The following ZMAT4 variants were observed in gnomAD, a reference collection of about 807,000 sequenced individuals.
ZMAT4 encodes the protein zinc finger matrin-type 4.
A neutral mutation model predicts 28.7 loss-of-function variants in ZMAT4; 17 were observed. That is an observed-to-expected ratio of 0.59 (90% CI 0.41 to 0.89). ZMAT4 has a LOEUF of 0.89. Ranked by LOEUF, ZMAT4 falls within the 40% of genes least tolerant of loss-of-function variation. The pLI is 0.00. For missense variants in ZMAT4, 240 were observed against 283.8 expected, an observed-to-expected ratio of 0.85 and a Z score of 1.11; for synonymous variants, 117 against 109.2, an observed-to-expected ratio of 1.07 and a Z score of -0.44.
chr8:40,792,287 G>T (rs886075533), intron 2 of ZMAT4, among the ~76,000 whole-genome samples: 4 of 151,382 alleles, frequency 2.6e-5, no homozygotes, highest in African/African-American at 9.7e-5. Flanking sequence ...ACTGACAAAA[G>T]TCTTGTTTTA....
intron 1 of ZMAT4, among the ~76,000 whole-genome samples, chr8:40,838,917 C>T (rs544568516): frequency 2.0e-5 from 3 of 152,288 alleles, no homozygotes; most frequent in South Asian, 2.1e-4. Flanking sequence ...GAAAACATCA[C>T]AGCACCAGAA....
intron 2 of ZMAT4, among the ~76,000 whole-genome samples, chr8:40,822,862 A>G (rs952498843): frequency 6.6e-6 from 1 of 152,196 alleles, no homozygotes; most frequent in Non-Finnish European, 1.5e-5. Flanking sequence ...TTAATTGCAG[A>G]TCTGTTGTAA....
chr8:40,746,141 C>A (rs1048505935), intron 3 of ZMAT4, among the ~76,000 whole-genome samples: 6 of 152,120 alleles, frequency 3.9e-5, no homozygotes, highest in African/African-American at 7.2e-5. Context: ...CCAAATCTCT[C>A]CTCTGAGCTC....
chr8:40,846,615 C>T (rs932064480), intron 1 of ZMAT4, among the ~76,000 whole-genome samples: 2 of 152,220 alleles, frequency 1.3e-5, no homozygotes, highest in Non-Finnish European at 1.5e-5. Flanking sequence ...CTCACTCCCC[C>T]TTGGCGTCCC....
chr8:40,588,913 G>C (rs574678557), intron 5 of ZMAT4, among the ~76,000 whole-genome samples: 2 of 152,102 alleles, frequency 1.3e-5, no homozygotes, highest in Non-Finnish European at 2.9e-5. Context: ...AGAATTGATC[G>C]TAACACTCAA....
At chr8:40,741,891 A>G (rs757760389) in intron 3 of ZMAT4, among the ~76,000 whole-genome samples, 1 of 152,232 alleles carries the variant, frequency 6.6e-6, no homozygotes, top group Non-Finnish European at 1.5e-5. Context: ...AGAAAGCATT[A>G]AAAATAAAAC....
rs1491257030 is a variant in ZMAT4, at chr8:40,612,805, G to GTT, written c.578-31546_578-31545dup. On this transcript the variant is annotated intron_variant, in intron 5 of 6. Coordinates refer to ENST00000297737, the MANE Select transcript of ZMAT4 (RefSeq NM_024645.3). ...CTACCCAGTCATTCTCTGTATTTTG[G>GTT]TTTTTGTTTTTTTTTTTTTTTTTTG... Among the ~76,000 whole-genome samples the GTT allele has an allele frequency of 2.0e-3, 190 of 93,580 alleles. 8 individuals carry two copies. Among genetic ancestry groups the GTT allele is most frequent in the Non-Finnish European group, 4.0e-3 (147 of 36,522 alleles). 61.4% of individuals were successfully genotyped at this position (93,580 alleles called of 152,430 possible). A position where few individuals can be genotyped will look rare whatever the true frequency, so the allele number is the denominator to read the frequency against.
intron 1 of ZMAT4, among the ~76,000 whole-genome samples, chr8:40,850,715 G>A (rs1349973203): frequency 3.3e-5 from 5 of 152,134 alleles, no homozygotes; most frequent in South Asian, 4.2e-4. Context: ...ATCACGTGGG[G>A]TGGGATTAAA....
intron 5 of ZMAT4, among the ~76,000 whole-genome samples, chr8:40,633,979 A>T (rs886107065): frequency 2.6e-5 from 4 of 152,198 alleles, no homozygotes; most frequent in African/African-American, 9.6e-5. Flanking sequence ...TCTCCTGGGA[A>T]GTCAGCAGTG....
chr8:40,682,096 A>C (rs1489933847), intron 4 of ZMAT4, among the ~76,000 whole-genome samples: 1 of 152,206 alleles, frequency 6.6e-6, no homozygotes, highest in African/African-American at 2.4e-5. Flanking sequence ...TCTTAGTAAT[A>C]GGTGTTTCTG....
At chr8:40,856,760 A>G (rs1261754030) in intron 1 of ZMAT4, among the ~76,000 whole-genome samples, 1 of 152,144 alleles carries the variant, frequency 6.6e-6, no homozygotes, top group African/African-American at 2.4e-5. Flanking sequence ...CTGGAAGGGA[A>G]GGTGAAGGAG....
At chr8:40,776,385 G>T (rs1226934948) in intron 2 of ZMAT4, among the ~76,000 whole-genome samples, 1 of 152,178 alleles carries the variant, frequency 6.6e-6, no homozygotes, top group Admixed American at 6.5e-5. Flanking sequence ...AATCATGTTT[G>T]TAATTATCTA....
chr8:40,801,522 T>A (rs938183920), intron 2 of ZMAT4, among the ~76,000 whole-genome samples: 1 of 151,152 alleles, frequency 6.6e-6, no homozygotes, highest in Non-Finnish European at 1.5e-5. Context: ...TACAAAAAAT[T>A]AACTGGGTGA....
chr8:40,564,234 T>A (rs1283395230), intron 6 of ZMAT4, among the ~76,000 whole-genome samples: 1 of 152,144 alleles, frequency 6.6e-6, no homozygotes, highest in South Asian at 2.1e-4. Flanking sequence ...AGGAATGTGT[T>A]CATGTAGGAG....
rs145392627 is a variant in ZMAT4, at chr8:40,798,825, A to T, written c.102+26750T>A. The stretch of plus-strand genomic sequence containing the variant: ...TAAATAAAACGATGGTTAAACCTGA[A>T]GGCAGTTTTAGCAGCATACAGACTT... On this transcript the variant is annotated intron_variant, in intron 2 of 6. Coordinates refer to ENST00000297737, the MANE Select transcript of ZMAT4 (RefSeq NM_024645.3). 3.3e-3 allele frequency among the ~76,000 whole-genome samples: 497 copies of T among 152,364 alleles called. 2 individuals are homozygous for T. The highest frequency in any genetic ancestry group is 0.011 in the African/African-American group (457 of 41,586).
intron 1 of ZMAT4, among the ~76,000 whole-genome samples, chr8:40,892,713 G>A (rs1279583231): frequency 6.6e-6 from 1 of 152,186 alleles, no homozygotes; most frequent in Non-Finnish European, 1.5e-5. Flanking sequence ...ACCTCTCTGG[G>A]CATCATCTGC....
intron 2 of ZMAT4, among the ~76,000 whole-genome samples, chr8:40,802,360 A>G (rs761872805): frequency 1.1e-4 from 16 of 152,252 alleles, no homozygotes; most frequent in Non-Finnish European, 2.4e-4. Context: ...CCTAGAATTC[A>G]TAGGTGATTA....
intron 3 of ZMAT4, among the ~76,000 whole-genome samples, chr8:40,740,753 T>C (rs1044918580): frequency 6.6e-6 from 1 of 152,220 alleles, no homozygotes; most frequent in African/African-American, 2.4e-5. Context: ...GTGAAAAATC[T>C]GTGTGCTCTA....
intron 3 of ZMAT4, among the ~76,000 whole-genome samples, chr8:40,700,413 T>TA (rs1232644097): frequency 7.3e-6 from 1 of 136,874 alleles, no homozygotes; most frequent in Non-Finnish European, 1.6e-5. Flanking sequence ...CTGCTTTTCT[T>TA]TTTTTTTTTT....
Sources: allele counts gnomAD v4.1 joint callset (sites outside exome capture counted in the v4.1 genomes callset), GRCh38; gene constraint gnomAD v4.1.1; transcripts MANE v1.5; gene names NCBI Gene and HGNC (gene_info 2026-07-23, HGNC 2026-07-21).